The following PCDHGA3 variants were observed in gnomAD, a reference collection of about 807,000 sequenced individuals.
PCDHGA3 encodes protocadherin gamma-A3.
A neutral mutation model predicts 58.5 loss-of-function variants in PCDHGA3; 40 were observed. The observed-to-expected ratio is 0.68, with a 90% CI of 0.53 to 0.89. PCDHGA3 has a LOEUF of 0.89. Among genes scored for constraint, PCDHGA3 ranks in the 40% least tolerant of loss-of-function variants. The pLI, the probability that PCDHGA3 is intolerant of heterozygous loss-of-function variation, is 0.00. For missense variants in PCDHGA3, 1,223 were observed against 1,195.9 expected, an observed-to-expected ratio of 1.02 and a Z score of -0.33; for synonymous variants, 530 against 525.7, an observed-to-expected ratio of 1.01 and a Z score of -0.11.
Position 141,476,461 on chromosome 5 carries a change from G to T in PCDHGA3, c.2425-18346G>T. On this transcript the variant is annotated intron_variant, in intron 1 of 3. Transcript: ENST00000253812. This position sits in a 1 kb window ranked among gnomAD's most constrained non-coding sequence, Gnocchi z 7.6. The stretch of plus-strand genomic sequence containing the variant: ...CTCTGGAGTTGGTAGTGGAGAACCC[G>T]CTGGAGCTGTTCAGCGTGGAAGTGG... The T allele has an allele frequency of 6.2e-7, 1 of 1,614,122 alleles. No homozygotes were observed. Among genetic ancestry groups the T allele is most frequent in the Non-Finnish European group, 8.5e-7 (1 of 1,180,022 alleles).
rs1481171398 is a variant in PCDHGA3 at position 141,455,879 on chromosome 5, ATTT to A, written c.2425-38927_2425-38925del. 3.8e-4 allele frequency among the ~76,000 whole-genome samples: 56 copies of A among 147,786 alleles called. No individual in the cohort carries two copies. In the East Asian group the frequency reaches 8.9e-3, roughly 23 times the overall value. On this transcript the variant is annotated intron_variant, in intron 1 of 3. Coordinates refer to ENST00000253812, the MANE Select transcript of PCDHGA3 (RefSeq NM_018916.4). ...TCTTTTATTATTTATTTATTTATTTATTTATTTATTTATTTATTTATTTATTTA... is the reference window on the plus strand; with the variant it reads ...TCTTTTATTATTTATTTATTTATTTAATTTATTTATTTATTTATTTATTTA...
Position 141,423,580 on chromosome 5 carries a change from A to C in PCDHGA3, c.2425-71227A>C, listed in dbSNP as rs368022774. 46 of 1,613,286 alleles carry C rather than the reference A, an allele frequency of 2.9e-5. No individual in the cohort carries two copies. In the African/African-American group the frequency reaches 5.6e-4, roughly 20 times the overall value. On this transcript the variant is annotated intron_variant, in intron 1 of 3. Coordinates refer to ENST00000253812, the MANE Select transcript of PCDHGA3 (RefSeq NM_018916.4). ...TGGGGACACGCTCATCAGCCAGGAGAGCTGTGAGAAAAGCGAGCCACTCTT... is the reference window on the plus strand; with the variant it reads ...TGGGGACACGCTCATCAGCCAGGAGCGCTGTGAGAAAAGCGAGCCACTCTT...
intron 1 of PCDHGA3, chr5:141,374,361 A>G (rs1418865389): frequency 6.2e-7 from 1 of 1,614,016 alleles, no homozygotes; most frequent in East Asian, 2.2e-5. Flanking sequence ...ATAGACCGCG[A>G]GGAGCTCTGT....
At position 141,409,906 on chromosome 5, in the gene PCDHGA3, T is replaced by C. The variant is rs779572711; in HGVS notation, c.2424+63449T>C. Reference sequence around the variant, plus strand: ...CGCGGGTGCTGTACCCAGCTCTGGGTCCTGACGGCTCCGCGTTCTTCGATA... The same window carrying C: ...CGCGGGTGCTGTACCCAGCTCTGGGCCCTGACGGCTCCGCGTTCTTCGATA... On this transcript the variant is annotated intron_variant, in intron 1 of 3. Transcript: ENST00000253812. 6 of 1,613,214 alleles carry C rather than the reference T, an allele frequency of 3.7e-6. No homozygotes were observed. The South Asian group carries it at 6.6e-5, about 18-fold the overall frequency.
rs778067452 is a variant in PCDHGA3, at chr5:141,364,597, G to C, written c.2424+18140G>C. 4.3e-6 allele frequency: 7 copies of C among 1,614,088 alleles called. No individual in the cohort carries two copies. The highest frequency in any genetic ancestry group is 5.1e-6 in the Non-Finnish European group (6 of 1,180,016). ...GCGGCAGCTTGGTCACCGCGGGCAG[G>C]ATAGACCGGGAGGAGCTCTGCGCTC... On this transcript the variant is annotated intron_variant, in intron 1 of 3. Transcript: ENST00000253812.
intron 1 of PCDHGA3, among the ~76,000 whole-genome samples, chr5:141,492,226 C>T (rs1365682179): frequency 6.6e-6 from 1 of 152,178 alleles, no homozygotes; most frequent in Non-Finnish European, 1.5e-5. Flanking sequence ...CATGCGTGTC[C>T]TCCCTGCTGG....
At chr5:141,405,498 C>T in intron 1 of PCDHGA3, 2 of 784,948 alleles carry the variant, frequency 2.5e-6, no homozygotes, top group Admixed American at 2.7e-5. Flanking sequence ...CGGCTCATTG[C>T]AACCTCCGCC....
chr5:141,387,782 A>G lies in PCDHGA3; in HGVS notation c.2424+41325A>G, dbSNP rs145228594. 6.9e-3 allele frequency: 10,094 copies of G among 1,466,254 alleles called. 59 individuals are homozygous for G. The highest frequency in any genetic ancestry group is 8.3e-3 in the Non-Finnish European group (9,103 of 1,100,820). 90.8% of individuals were successfully genotyped at this position (1,466,254 alleles called of 1,614,324 possible). On this transcript the variant is annotated intron_variant, in intron 1 of 3. Transcript: ENST00000253812. ...AAGAAGAATTTTTTCTTGAACTGGA[A>G]CTGCAACTAAAGTCCGTTCGGAGAT... is the stretch of plus-strand genomic sequence containing the variant.
intron 1 of PCDHGA3, among the ~76,000 whole-genome samples, chr5:141,429,774 G>A (rs1175985162): frequency 6.6e-6 from 1 of 152,070 alleles, no homozygotes; most frequent in Non-Finnish European, 1.5e-5. Context: ...ATTTTGATGG[G>A]CTTCCAAAAG....
rs1024937106 is a variant in PCDHGA3 at position 141,343,955 on chromosome 5, G to A, written c.-79G>A. The stretch of plus-strand genomic sequence containing the variant: ...GTGAATTAGGCCCGTAAAAGACTTC[G>A]TTTCTTGAGAAAATAAGATTGGAGT... On this transcript the variant is annotated 5_prime_UTR_variant, in exon 1 of 4. Transcript: ENST00000253812. The A allele has an allele frequency of 6.0e-6, 8 of 1,341,250 alleles. No individual in the cohort carries two copies. In the African/African-American group the frequency reaches 8.9e-5, roughly 15 times the overall value. The allele number at this position is 1,341,250 out of a possible 1,614,324, so 83.1% of individuals were successfully genotyped here. A position where few individuals can be genotyped will look rare whatever the true frequency, so the allele number is the denominator to read the frequency against.
chr5:141,487,596 A>T lies in PCDHGA3; in HGVS notation c.2425-7211A>T. The stretch of plus-strand genomic sequence containing the variant: ...GTTCGCCCAAGCTGCCCACCCTCTG[A>T]TCTTCTCTATGGGCTAGAGGTGAGA... On this transcript the variant is annotated intron_variant, in intron 1 of 3. Transcript: ENST00000253812. The surrounding 1 kb of genome is among the most constrained non-coding windows in gnomAD (Gnocchi z 5.0). The T allele has an allele frequency of 1.2e-6, 2 of 1,614,108 alleles. No individual in the cohort carries two copies. Among genetic ancestry groups the T allele is most frequent in the Non-Finnish European group, 8.5e-7 (1 of 1,180,024 alleles).
intron 1 of PCDHGA3, among the ~76,000 whole-genome samples, chr5:141,357,979 C>G (rs554928624): frequency 2.0e-5 from 3 of 152,236 alleles, no homozygotes; most frequent in African/African-American, 7.2e-5. Flanking sequence ...TGCCTGAGCT[C>G]AGGAGTTCGA....
At chr5:141,389,673 G>T (rs755380537) in intron 1 of PCDHGA3, 1 of 1,612,426 alleles carries the variant, frequency 6.2e-7, no homozygotes, top group South Asian at 1.1e-5. Context: ...CGCAGACTCA[G>T]GACACAACGC....
At chr5:141,413,357 G>A (rs2095629700) in intron 1 of PCDHGA3, 2 of 1,613,874 alleles carry the variant, frequency 1.2e-6, no homozygotes, top group South Asian at 1.1e-5. Flanking sequence ...CTGGCGCCCC[G>A]GGAGCTGGCG....
chr5:141,415,001 C>G (rs1326591845), intron 1 of PCDHGA3: 2 of 1,613,712 alleles, frequency 1.2e-6, no homozygotes, highest in Non-Finnish European at 1.7e-6. Context: ...GCCTGGCTGT[C>G]CTACCGTCTG....
intron 1 of PCDHGA3, chr5:141,360,426 G>A (rs763572902): frequency 2.5e-6 from 4 of 1,614,000 alleles, no homozygotes; most frequent in Non-Finnish European, 2.5e-6. Flanking sequence ...AGATATGCGG[G>A]AAGCAGCCTC....
At chr5:141,395,109 A>G (rs1181706209) in intron 1 of PCDHGA3, 1 of 1,614,092 alleles carries the variant, frequency 6.2e-7, no homozygotes, top group Admixed American at 1.7e-5. Context: ...CTCGCGGAAG[A>G]GTCACCTGAT....
chr5:141,457,944 C>A (rs761151349), intron 1 of PCDHGA3, among the ~76,000 whole-genome samples: 33 of 152,310 alleles, frequency 2.2e-4, no homozygotes, highest in Non-Finnish European at 4.6e-4. Context: ...ATTGGCTCTG[C>A]ATGTCAAGCT....
At chr5:141,373,805 G>T in intron 1 of PCDHGA3, 1 of 337,732 alleles carries the variant, frequency 3.0e-6, no homozygotes, top group Non-Finnish European at 5.3e-6. Context: ...TCCTCTGTGT[G>T]ATAGTTTCAC....
Sources: gnomAD v4.1 joint callset for allele counts (sites outside exome capture counted in the v4.1 genomes callset) on GRCh38, gnomAD v4.1.1 for gene constraint, Gnocchi (gnomAD v3.1) non-coding constraint, MANE v1.5 for transcripts, NCBI Gene and HGNC (gene_info 2026-07-23, HGNC 2026-07-21) for gene names.